The following NCK1 variants were observed in gnomAD, a reference collection of about 807,000 sequenced individuals.
NCK1 encodes the protein NCK adaptor protein 1, also known as SH2/SH3 adapter protein NCK1.
A neutral mutation model predicts 36.6 loss-of-function variants in NCK1; 19 were observed. The ratio of observed to expected loss-of-function variants is 0.52; its 90% CI spans 0.36 to 0.76. The LOEUF (loss-of-function observed/expected upper bound fraction) is 0.76, where lower values mean the gene tolerates loss of function less well. Ranked by LOEUF, NCK1 falls within the 30% of genes least tolerant of loss-of-function variation. The pLI is 0.00. For synonymous variants in NCK1, 165 were observed against 156.0 expected, an observed-to-expected ratio of 1.06 and a Z score of -0.43; for missense variants, 358 against 445.6, an observed-to-expected ratio of 0.80 and a Z score of 1.77.
At chr3:136,866,135 A>G (rs553684180) in intron 1 of NCK1, among the ~76,000 whole-genome samples, 1 of 152,248 alleles carries the variant, frequency 6.6e-6, no homozygotes, top group Admixed American at 6.5e-5. Context: ...TCATAGCCTA[A>G]TAACAGTCTG....
chr3:136,931,723 G>C (rs1188364483), intron 2 of NCK1, among the ~76,000 whole-genome samples: 1 of 152,178 alleles, frequency 6.6e-6, no homozygotes, highest in Admixed American at 6.5e-5. Context: ...TTACATTCTG[G>C]TGGAGAGGTA....
intron 1 of NCK1, among the ~76,000 whole-genome samples, chr3:136,902,276 C>G (rs750203454): frequency 2.1e-4 from 31 of 150,634 alleles, no homozygotes; most frequent in Admixed American, 4.0e-4. Flanking sequence ...CAGCTTACTG[C>G]AACCTCCGCC....
chr3:136,936,081 C>T (rs1372893071), intron 2 of NCK1, among the ~76,000 whole-genome samples: 1 of 147,756 alleles, frequency 6.8e-6, no homozygotes, highest in African/African-American at 2.5e-5. Context: ...CGCCCTGTCA[C>T]ACAGGCTGGA....
In NCK1 at chr3:136,915,625, A is replaced by G. The variant is rs1451294567; in HGVS notation, c.-18-12359A>G. 3.9e-5 allele frequency among the ~76,000 whole-genome samples: 6 copies of G among 152,302 alleles called. No individual in the cohort carries two copies. In the East Asian group the frequency reaches 1.2e-3, roughly 29 times the overall value. On this transcript the variant is annotated intron_variant, in intron 1 of 3. Transcript: ENST00000481752. ...CTACTTGAGACTGGGTAATTTATAA[A>G]GAAAAGAGGTTTAAAAGGTTCACAG...
intron 1 of NCK1, among the ~76,000 whole-genome samples, chr3:136,881,892 T>G (rs1398122430): frequency 6.6e-6 from 1 of 152,208 alleles, no homozygotes; most frequent in East Asian, 1.9e-4. Flanking sequence ...TTCCATTGCT[T>G]ATATATACCA....
chr3:136,888,810 T>C (rs1420260934), intron 1 of NCK1, among the ~76,000 whole-genome samples: 1 of 152,134 alleles, frequency 6.6e-6, no homozygotes, highest in Non-Finnish European at 1.5e-5. Flanking sequence ...TGGAATCATA[T>C]AGTATGTGGT....
chr3:136,874,650 G>A (rs776239408), intron 1 of NCK1, among the ~76,000 whole-genome samples: 3 of 152,032 alleles, frequency 2.0e-5, no homozygotes, highest in East Asian at 1.9e-4. Flanking sequence ...TAAAACTAGC[G>A]ACTCCCTTTG....
At chr3:136,915,596 A>G (rs1277855052) in intron 1 of NCK1, among the ~76,000 whole-genome samples, 1 of 152,230 alleles carries the variant, frequency 6.6e-6, no homozygotes, top group Admixed American at 6.5e-5. Context: ...GTTGCTATAA[A>G]TAACTACTTG....
intron 1 of NCK1, among the ~76,000 whole-genome samples, chr3:136,898,301 G>C (rs1457964146): frequency 6.6e-6 from 1 of 151,312 alleles, no homozygotes; most frequent in East Asian, 2.0e-4. Flanking sequence ...GGAGGCTGAG[G>C]CATGAGAATC....
chr3:136,946,628 A>G (rs1560057370), intron 3 of NCK1, among the ~76,000 whole-genome samples: 1 of 152,188 alleles, frequency 6.6e-6, no homozygotes, highest in Admixed American at 6.5e-5. Flanking sequence ...GTAGAATAAT[A>G]CTATAGATTA....
chr3:136,928,578 A>G (rs1940307944), intron 2 of NCK1: 2 of 208,680 alleles, frequency 9.6e-6, no homozygotes, highest in Non-Finnish European at 1.9e-5. Context: ...TACATGGCAC[A>G]TAATGAATTT....
intron 1 of NCK1, among the ~76,000 whole-genome samples, chr3:136,887,392 A>G (rs1939102284): frequency 1.3e-5 from 2 of 152,124 alleles, no homozygotes; most frequent in Non-Finnish European, 2.9e-5. Flanking sequence ...CCTGATAAAT[A>G]GCAGCCTAAG....
At chr3:136,865,007 G>T (rs1304615805) in intron 1 of NCK1, among the ~76,000 whole-genome samples, 1 of 151,128 alleles carries the variant, frequency 6.6e-6, no homozygotes, top group East Asian at 1.9e-4. Flanking sequence ...TGCCCAGGCT[G>T]GAGTGCAGTG....
intron 2 of NCK1, among the ~76,000 whole-genome samples, chr3:136,937,037 C>T (rs1318756790): frequency 6.6e-6 from 1 of 152,228 alleles, no homozygotes; most frequent in East Asian, 1.9e-4. Flanking sequence ...TCTAAGAATC[C>T]ATTGCTAAAT....
intron 1 of NCK1, among the ~76,000 whole-genome samples, chr3:136,921,771 G>T (rs1373774570): frequency 6.6e-6 from 1 of 152,086 alleles, no homozygotes; most frequent in Non-Finnish European, 1.5e-5. Context: ...ACACTGCTAA[G>T]GGAAAGAAAG....
chr3:136,920,930 A>G (rs1940093309), intron 1 of NCK1, among the ~76,000 whole-genome samples: 1 of 152,188 alleles, frequency 6.6e-6, no homozygotes, highest in South Asian at 2.1e-4. Context: ...GGTAAAAACA[A>G]ATGTTATGAA....
chr3:136,883,846 C>T (rs772926683), intron 1 of NCK1, among the ~76,000 whole-genome samples: 3 of 152,116 alleles, frequency 2.0e-5, no homozygotes, highest in Non-Finnish European at 4.4e-5. Context: ...AAGAGAAAAA[C>T]CAACACAAAT....
chr3:136,885,494 A>G (rs1273600684), intron 1 of NCK1, among the ~76,000 whole-genome samples: 1 of 152,034 alleles, frequency 6.6e-6, no homozygotes, highest in Non-Finnish European at 1.5e-5. Flanking sequence ...TTGTAGAGAC[A>G]GGATTTTGCC....
At chr3:136,894,130 C>G (rs1939331163) in intron 1 of NCK1, among the ~76,000 whole-genome samples, 1 of 152,154 alleles carries the variant, frequency 6.6e-6, no homozygotes, top group South Asian at 2.1e-4. Context: ...CTTTCTTTGC[C>G]TGCTCGTTCA....
Sources: allele counts gnomAD v4.1 joint callset (sites outside exome capture counted in the v4.1 genomes callset), GRCh38; gene constraint gnomAD v4.1.1; transcripts MANE v1.5; gene names NCBI Gene and HGNC (gene_info 2026-07-23, HGNC 2026-07-21).